Variants in LCT observed in about 807,000 individuals in gnomAD.
LCT encodes lactase/phlorizin hydrolase.
Under a neutral mutation model 173.0 loss-of-function variants are expected in LCT, and 90 were observed. That is an observed-to-expected ratio of 0.52 (90% CI 0.44 to 0.62). The LOEUF (loss-of-function observed/expected upper bound fraction) is 0.62. Among genes scored for constraint, LCT ranks in the 20% least tolerant of loss-of-function variants. The pLI, the probability that LCT is intolerant of heterozygous loss-of-function variation, is 0.00. For missense variants in LCT, 1,864 were observed against 2,431.4 expected, an observed-to-expected ratio of 0.77 and a Z score of 4.91; for synonymous variants, 853 against 957.6, an observed-to-expected ratio of 0.89 and a Z score of 2.02.
chr2:135,834,932 T>G (rs1417056865), intron 1 of LCT, among the ~76,000 whole-genome samples: 1 of 151,812 alleles, frequency 6.6e-6, no homozygotes, highest in Admixed American at 6.6e-5. Flanking sequence ...ACTGACAGAA[T>G]GGGGTCAGAG....
intron 11 of LCT, among the ~76,000 whole-genome samples, chr2:135,801,652 C>A (rs2077628935): frequency 6.6e-6 from 1 of 151,386 alleles, no homozygotes; most frequent in Non-Finnish European, 1.5e-5. Flanking sequence ...GAGGTGGAGA[C>A]TGCAGTGAGC....
Position 135,788,406 on chromosome 2 carries a change from A to G in LCT, c.5702T>C (p.Leu1901Pro). 6.2e-7 allele frequency: 1 copy of G among 1,614,182 alleles called. No individual in the cohort carries two copies. Among genetic ancestry groups the G allele is most frequent in the Non-Finnish European group, 8.5e-7 (1 of 1,180,026 alleles). Residue 1901 changes from leucine to proline, a missense_variant, in exon 17 of 17, where the codon CTG (leucine) becomes CCG (proline). Coordinates refer to ENST00000264162, the MANE Select transcript of LCT (RefSeq NM_002299.4). Reference protein sequence around the residue: ...VLLGVCGLAFLSYKYCKRSKQ... With the variant: ...VLLGVCGLAFPSYKYCKRSKQ... Reference sequence around the variant, plus strand: ...AGAGCGCTTGCAGTACTTGTATGACAGAAATGCCAAGCCACAGACTCCAAG... The same window carrying G: ...AGAGCGCTTGCAGTACTTGTATGACGGAAATGCCAAGCCACAGACTCCAAG...
chr2:135,827,367 T>C lies in LCT; in HGVS notation c.804+2226A>G, dbSNP rs940864307. The stretch of plus-strand genomic sequence containing the variant: ...CCACCTTGGTTAAATTGTTTAAACC[T>C]TAGGGTGTGTTTTGAGAGGTTGAGA... On this transcript the variant is annotated intron_variant, in intron 3 of 16. Coordinates refer to ENST00000264162, the MANE Select transcript of LCT (RefSeq NM_002299.4). 4.6e-5 allele frequency among the ~76,000 whole-genome samples: 7 copies of C among 152,262 alleles called. 1 individual carries two copies. In the South Asian group the frequency reaches 1.5e-3, roughly 32 times the overall value.
rs183913069 is a variant in LCT at position 135,805,046 on chromosome 2, C to T, written c.4185G>A (p.Ala1395=). The T allele has an allele frequency of 1.9e-4, 303 of 1,614,162 alleles. No homozygotes were observed. The East Asian group carries it at 4.6e-3, about 24-fold the overall frequency. ...AASAAYQIEG[A]WRADGKGLSI... is the part of the protein sequence containing the mutation. ...TGAGTCCTTTGCCATCTGCTCTCCA[C>T]GCACCTTCAATCTCAAGATGACAAG... Residue 1395 remains alanine, a synonymous_variant, in exon 10 of 17, where the codon GCG becomes GCA. Transcript: ENST00000264162.
At chr2:135,818,473 A>C (rs2077799262) in intron 5 of LCT, among the ~76,000 whole-genome samples, 1 of 152,200 alleles carries the variant, frequency 6.6e-6, no homozygotes, top group Non-Finnish European at 1.5e-5. Context: ...ATCTCATTTA[A>C]TTTTCCCAAC....
At chr2:135,797,320 G>A (rs746857) in intron 13 of LCT, among the ~76,000 whole-genome samples, 119,069 of 152,024 alleles carry the variant, frequency 0.78, 47,110 homozygotes, top group Non-Finnish European at 0.84. Flanking sequence ...GACTATGTTG[G>A]GAATTCACAC....
chr2:135,794,615 TC>T, intron 14 of LCT, 25 bp downstream of exon 14: 1 of 1,612,966 alleles, frequency 6.2e-7, no homozygotes, highest in Non-Finnish European at 8.5e-7. Context: ...CAGAGATGGC[TC>T]CGGGCTCCCT....
chr2:135,800,701 C>T lies in LCT; in HGVS notation c.4772G>A (p.Gly1591Asp), dbSNP rs2077618637. The change falls in exon 12 of 17, where the codon GGT (glycine) becomes GAT (aspartate). Residue 1591 changes from glycine (G) to aspartate (D), a missense_variant. This residue lies in a region of LCT where 514 missense variants were observed against 750.1 expected (regional missense o/e 0.69). Coordinates refer to ENST00000264162, the MANE Select transcript of LCT (RefSeq NM_002299.4). ...LYNDVYRASQ[G>D]GVISITISSD... ...GCTGATGGTGATGGAAATCACGCCACCTTGACTGGCGCGGTACACATCGTT... is the reference window on the plus strand; with the variant it reads ...GCTGATGGTGATGGAAATCACGCCATCTTGACTGGCGCGGTACACATCGTT... The T allele has an allele frequency of 6.2e-7, 1 of 1,613,832 alleles. No individual in the cohort carries two copies. The highest frequency in any genetic ancestry group is 1.3e-5 in the African/African-American group (1 of 74,924).
intron 14 of LCT, among the ~76,000 whole-genome samples, chr2:135,794,146 T>A (rs371265763): frequency 2.6e-4 from 3 of 11,478 alleles, no homozygotes; most frequent in Non-Finnish European, 1.0e-3. Context: ...TCAAAAAAAA[T>A]AAATAAAATA....
At chr2:135,794,198 TCTA>T (rs1407862188) in intron 14 of LCT, 1 of 157,570 alleles carries the variant, frequency 6.3e-6, no homozygotes, top group East Asian at 1.9e-4. Context: ...TTTTACTATC[TCTA>T]CTTCATAAAA....
At chr2:135,832,559 A>G (rs1483278263) in intron 2 of LCT, among the ~76,000 whole-genome samples, 1 of 150,964 alleles carries the variant, frequency 6.6e-6, no homozygotes. Flanking sequence ...ATCACAGTTC[A>G]CTGCAGCCTT....
intron 13 of LCT, among the ~76,000 whole-genome samples, chr2:135,795,765 G>T (rs531412235): frequency 6.6e-6 from 1 of 151,138 alleles, no homozygotes; most frequent in South Asian, 2.1e-4. Flanking sequence ...CCCAGACAGG[G>T]TCTCGCCCTG....
rs769421731 is a variant in LCT, at chr2:135,824,027, G to A, written c.805-24C>T. 11 of 1,452,616 alleles carry A rather than the reference G, an allele frequency of 7.6e-6. No individual in the cohort carries two copies. In the East Asian group the frequency reaches 2.5e-4, roughly 33 times the overall value. 90.0% of individuals were successfully genotyped at this position (1,452,616 alleles called of 1,614,324 possible). ...GTCTGAAAAAGAGAAGGACCAGCAA[G>A]TGAACTGAAGCCTCCTGGAAAGCAT... On this transcript the variant is annotated intron_variant, in intron 3 of 16. Transcript: ENST00000264162.
Position 135,795,045 on chromosome 2 carries a change from G to GCA in LCT, c.4977-272_4977-271dup, listed in dbSNP as rs1553651428. Among the ~76,000 whole-genome samples, 1,366 of 149,902 alleles carry GCA rather than the reference G, an allele frequency of 9.1e-3. 14 individuals are homozygous for GCA. Among genetic ancestry groups the GCA allele is most frequent in the African/African-American group, 0.028 (1,133 of 40,890 alleles). The stretch of plus-strand genomic sequence containing the variant: ...CACACACGCACCCACGCGCGCGCGC[G>GCA]CACACACACACACACACACACACAT... On this transcript the variant is annotated intron_variant, in intron 13 of 16. Coordinates refer to ENST00000264162, the MANE Select transcript of LCT (RefSeq NM_002299.4).
rs1276818330 is a variant in LCT at position 135,800,605 on chromosome 2, A to C, written c.4866+2T>G. ...GAACAAGCGCCCAGAGGAAAAACAG[A>C]CCTGAACATATCTCCTGGCTGCCTC... On this transcript the variant is annotated splice_donor_variant, in intron 12 of 16. Transcript: ENST00000264162. LOFTEE classifies it high-confidence loss of function. 1 of 1,610,722 alleles carries C rather than the reference A, an allele frequency of 6.2e-7. No individual in the cohort carries two copies. Among genetic ancestry groups the C allele is most frequent in the Non-Finnish European group, 8.5e-7 (1 of 1,178,700 alleles).
rs760323304 is a variant in LCT, at chr2:135,812,913, T to C, written c.1751A>G (p.His584Arg). Residue 584 changes from histidine (H) to arginine (R), a missense_variant, in exon 7 of 17, where the codon CAC becomes CGC. Physicochemically the swap from His to Arg is conservative, Grantham distance 29. This residue lies in a region of LCT where 183 missense variants were observed against 293.1 expected (regional missense o/e 0.62). Transcript: ENST00000264162. Reference sequence around the variant, plus strand: ...CTGTGGGCGATGATGGCTGTTGTAGTGGTGCCAAGTTCTGGCATGAGCCTT... The same window carrying C: ...CTGTGGGCGATGATGGCTGTTGTAGCGGTGCCAAGTTCTGGCATGAGCCTT... ...VLKAHARTWH[H>R]YNSHHRPQQQ... The C allele has an allele frequency of 6.2e-7, 1 of 1,614,214 alleles. No individual in the cohort carries two copies. Among genetic ancestry groups the C allele is most frequent in the South Asian group, 1.1e-5 (1 of 91,082 alleles).
intron 1 of LCT, among the ~76,000 whole-genome samples, chr2:135,836,002 A>ATG (rs1679346349): frequency 7.6e-5 from 2 of 26,472 alleles, no homozygotes; most frequent in African/African-American, 1.3e-4. Flanking sequence ...ATATATATAT[A>ATG]TATATATATA....
rs537951389 is a variant in LCT, at chr2:135,835,209, C to A, written c.640+1321G>T. Reference sequence around the variant, plus strand: ...TTATGCTCCATTTATACAATGGGAACCTAAAAGACCATTGAAAGTTATGCT... The same window carrying A: ...TTATGCTCCATTTATACAATGGGAAACTAAAAGACCATTGAAAGTTATGCT... On this transcript the variant is annotated intron_variant, in intron 1 of 16. Coordinates refer to ENST00000264162, the MANE Select transcript of LCT (RefSeq NM_002299.4). Among the ~76,000 whole-genome samples the A allele has an allele frequency of 2.6e-5, 4 of 152,062 alleles. No homozygotes were observed. The East Asian group carries it at 7.7e-4, about 29-fold the overall frequency.
intron 11 of LCT, among the ~76,000 whole-genome samples, chr2:135,802,177 G>A (rs2077633094): frequency 6.6e-6 from 1 of 152,164 alleles, no homozygotes; most frequent in Non-Finnish European, 1.5e-5. Context: ...ACGATTTGAG[G>A]CACATCTCCT....
Sources: gnomAD v4.1 joint callset for allele counts (sites outside exome capture counted in the v4.1 genomes callset) on GRCh38, gnomAD v4.1.1 for gene constraint, gnomAD v4.1.1 regional missense constraint, MANE v1.5 for transcripts, NCBI Gene and HGNC (gene_info 2026-07-23, HGNC 2026-07-21) for gene names.